The following ANK3 variants were observed in gnomAD, a reference collection of about 807,000 sequenced individuals.
ANK3 encodes ankyrin 3.
ANK3 carries 57 observed loss-of-function variants against 370.9 expected under a neutral mutation model. That is an observed-to-expected ratio of 0.15 (90% CI 0.12 to 0.19). The LOEUF (loss-of-function observed/expected upper bound fraction) is 0.19. Ranked by LOEUF, ANK3 falls within the 10% of genes least tolerant of loss-of-function variation. The pLI is 1.00. For synonymous variants in ANK3, 1,929 were observed against 1,946.3 expected (o/e 0.99, Z 0.23); for missense variants, 4,439 against 5,302.1 (o/e 0.84, Z 5.06).
At chr10:60,564,201 A>ACATT (rs1232816809) in intron 2 of ANK3, among the ~76,000 whole-genome samples, 1 of 152,224 alleles carries the variant, frequency 6.6e-6, no homozygotes, top group Non-Finnish European at 1.5e-5. Context: ...CCAGCAGAAA[A>ACATT]CATTTTTTAA....
chr10:60,034,057 C>T (rs560812021), intron 43 of ANK3, among the ~76,000 whole-genome samples: 2 of 148,898 alleles, frequency 1.3e-5, no homozygotes, highest in East Asian at 2.0e-4. Flanking sequence ...TTCAGTAGGT[C>T]AGTGTGTCTG....
chr10:60,528,115 CT>C (rs2076517223), intron 2 of ANK3, among the ~76,000 whole-genome samples: 1 of 142,892 alleles, frequency 7.0e-6, no homozygotes, highest in African/African-American at 2.5e-5. Flanking sequence ...AATGTTTTTT[CT>C]TTTTTTCTTT....
chr10:60,268,282 G>T (rs981461059), intron 5 of ANK3, among the ~76,000 whole-genome samples: 1 of 151,918 alleles, frequency 6.6e-6, no homozygotes, highest in African/African-American at 2.4e-5. Context: ...AGCACTGATG[G>T]GTATAAAATA....
At chr10:60,669,490 C>G (rs1006650891) in intron 1 of ANK3, among the ~76,000 whole-genome samples, 8 of 152,188 alleles carry the variant, frequency 5.3e-5, no homozygotes. Context: ...CCACTTTTGT[C>G]TGGCTTCCAT....
At chr10:60,471,865 C>T (rs922114047) in intron 2 of ANK3, among the ~76,000 whole-genome samples, 9 of 151,896 alleles carry the variant, frequency 5.9e-5, no homozygotes, top group African/African-American at 2.2e-4. Flanking sequence ...TTCAATGGAG[C>T]TGCCACTAGA....
At chr10:60,295,845 G>A (rs1452375014) in intron 1 of ANK3, among the ~76,000 whole-genome samples, 1 of 151,924 alleles carries the variant, frequency 6.6e-6, no homozygotes, top group African/African-American at 2.4e-5. Flanking sequence ...GAAACATAAC[G>A]GTATTTTCCA....
At chr10:60,656,033 C>A (rs1201568482) in intron 1 of ANK3, among the ~76,000 whole-genome samples, 1 of 152,120 alleles carries the variant, frequency 6.6e-6, no homozygotes, top group Non-Finnish European at 1.5e-5. Flanking sequence ...TTATGATACT[C>A]GCACAATGAC....
At chr10:60,121,695 A>C (rs926528133) in intron 25 of ANK3, among the ~76,000 whole-genome samples, 19 of 151,932 alleles carry the variant, frequency 1.3e-4, no homozygotes, top group African/African-American at 4.6e-4. Context: ...TTTCTCAAAA[A>C]AAAAAAAAAA....
chr10:60,526,158 A>ATGTT (rs2076465539), intron 2 of ANK3, among the ~76,000 whole-genome samples: 8 of 152,164 alleles, frequency 5.3e-5, no homozygotes, highest in Non-Finnish European at 1.2e-4. Context: ...CTTAGTTAAC[A>ATGTT]GAGTCCTCTC....
At chr10:60,257,973 T>C (rs1298387728) in intron 7 of ANK3, among the ~76,000 whole-genome samples, 1 of 152,228 alleles carries the variant, frequency 6.6e-6, no homozygotes, top group Non-Finnish European at 1.5e-5. Context: ...AGGTGGTCCA[T>C]TGTATTTGAT....
chr10:60,483,269 A>G (rs922443806), intron 2 of ANK3, among the ~76,000 whole-genome samples: 2 of 152,238 alleles, frequency 1.3e-5, no homozygotes, highest in Non-Finnish European at 2.9e-5. Context: ...ATGAAATACC[A>G]TGATTCATAC....
chr10:60,154,164 G>T (rs2132257786), intron 23 of ANK3, among the ~76,000 whole-genome samples: 1 of 152,286 alleles, frequency 6.6e-6, no homozygotes, highest in East Asian at 1.9e-4. Context: ...TCAGGCAAAA[G>T]GCTAAATGAT....
Position 60,086,795 on chromosome 10 carries a change from C to A in ANK3, c.3630G>T (p.Arg1210=), listed in dbSNP as rs372847533. 6 of 1,613,902 alleles carry A rather than the reference C, an allele frequency of 3.7e-6. 1 individual carries two copies. The highest frequency in any genetic ancestry group is 5.1e-6 in the Non-Finnish European group (6 of 1,179,996). ...SPIVTVEPRR[R]KFHKPITMTI... ...TCATTGTGATTGGTTTATGGAATTT[C>A]CGTCTTCTTGGTTCCACAGTGACAA... is the stretch of plus-strand genomic sequence containing the variant. Residue 1210 remains arginine (R), a synonymous_variant, in exon 30 of 44, where the codon CGG becomes CGT. Coordinates refer to ENST00000280772, the MANE Select transcript of ANK3 (RefSeq NM_020987.5).
At chr10:60,617,536 G>A (rs2078282130) in intron 1 of ANK3, among the ~76,000 whole-genome samples, 1 of 152,114 alleles carries the variant, frequency 6.6e-6, no homozygotes, top group African/African-American at 2.4e-5. Flanking sequence ...TTGCAGCCTT[G>A]TTGTAAGGAT....
chr10:60,297,774 T>G (rs1179234765), intron 1 of ANK3, among the ~76,000 whole-genome samples: 1 of 152,120 alleles, frequency 6.6e-6, no homozygotes, highest in Non-Finnish European at 1.5e-5. Context: ...CAGAACAAAT[T>G]TAGTTGGTAA....
chr10:60,116,885 A>G (rs1262537042), intron 25 of ANK3, among the ~76,000 whole-genome samples: 1 of 152,216 alleles, frequency 6.6e-6, no homozygotes, highest in Non-Finnish European at 1.5e-5. Context: ...TGAGTGACCA[A>G]CACTATGAAT....
intron 1 of ANK3, among the ~76,000 whole-genome samples, chr10:60,638,448 T>A (rs1173395842): frequency 6.6e-6 from 1 of 151,858 alleles, no homozygotes; most frequent in African/African-American, 2.4e-5. Context: ...CAATCCTGTT[T>A]AAAGGAACAA....
At chr10:60,416,655 A>G (rs1489037596) in intron 2 of ANK3, among the ~76,000 whole-genome samples, 1 of 152,254 alleles carries the variant, frequency 6.6e-6, no homozygotes, top group Non-Finnish European at 1.5e-5. Flanking sequence ...GGCTATTTAC[A>G]TGTATTAACA....
chr10:60,445,963 T>C (rs1355470047), intron 2 of ANK3, among the ~76,000 whole-genome samples: 1 of 152,222 alleles, frequency 6.6e-6, no homozygotes, highest in Non-Finnish European at 1.5e-5. Flanking sequence ...GCATTTGTCA[T>C]CAACATTTTT....
Sources: allele counts gnomAD v4.1 joint callset (sites outside exome capture counted in the v4.1 genomes callset), GRCh38; gene constraint gnomAD v4.1.1; transcripts MANE v1.5; gene names NCBI Gene and HGNC (gene_info 2026-07-23, HGNC 2026-07-21).